The following PCBD2 variants were observed in gnomAD, a reference collection of about 807,000 sequenced individuals.
PCBD2 encodes pterin-4-alpha-carbinolamine dehydratase 2.
PCBD2 carries 12 observed loss-of-function variants against 16.4 expected under a neutral mutation model. The observed-to-expected ratio is 0.73, with a 90% CI of 0.47 to 1.19. The LOEUF is 1.19. Ranked by LOEUF, PCBD2 falls within the 50% of genes most tolerant of loss-of-function variation. The probability of loss-of-function intolerance (pLI) is 0.00; values close to 1 mark genes in which losing one functional copy is unlikely to be tolerated. For synonymous variants in PCBD2, 58 were observed against 61.8 expected (o/e 0.94, Z 0.29); for missense variants, 138 against 156.8 (o/e 0.88, Z 0.64).
chr5:134,919,311 A>G (rs1750874556), intron 2 of PCBD2, among the ~76,000 whole-genome samples: 1 of 152,216 alleles, frequency 6.6e-6, no homozygotes, highest in Non-Finnish European at 1.5e-5. Context: ...GGTATGATTA[A>G]TGCATTCATT....
At chr5:134,925,430 C>T (rs537047174) in intron 2 of PCBD2, 44 of 398,290 alleles carry the variant, frequency 1.1e-4, no homozygotes, top group Admixed American at 5.3e-4. Context: ...ATGATGGATC[C>T]GGAGCATATA....
At chr5:134,925,577 G>T (rs1025174700) in intron 2 of PCBD2, 12 of 398,050 alleles carry the variant, frequency 3.0e-5, no homozygotes, top group Non-Finnish European at 5.3e-5. Flanking sequence ...ATGTCATTTT[G>T]TGTAAGGGCG....
chr5:134,935,338 T>TG (rs895912930), intron 2 of PCBD2, among the ~76,000 whole-genome samples: 62 of 152,348 alleles, frequency 4.1e-4, no homozygotes, highest in African/African-American at 1.5e-3. Flanking sequence ...CTTAGAAAAT[T>TG]GGGTACATGC....
chr5:134,914,493 A>G (rs1750804041), intron 2 of PCBD2, among the ~76,000 whole-genome samples: 1 of 152,152 alleles, frequency 6.6e-6, no homozygotes, highest in Non-Finnish European at 1.5e-5. Flanking sequence ...GCTGGAGTAG[A>G]TGCAGAGTTG....
chr5:134,906,393 G>T (rs1561905030), intron 1 of PCBD2, among the ~76,000 whole-genome samples: 1 of 151,232 alleles, frequency 6.6e-6, no homozygotes, highest in South Asian at 2.1e-4. Flanking sequence ...TTTAGTAGAG[G>T]CGGGGTTTCA....
intron 2 of PCBD2, among the ~76,000 whole-genome samples, chr5:134,957,069 C>G (rs1445341898): frequency 6.6e-6 from 1 of 152,034 alleles, no homozygotes; most frequent in Admixed American, 6.5e-5. Context: ...TCAAGACCAG[C>G]CTGGCCAAGA....
intron 2 of PCBD2, among the ~76,000 whole-genome samples, chr5:134,937,740 A>G (rs1465394665): frequency 6.6e-6 from 1 of 152,220 alleles, no homozygotes; most frequent in Non-Finnish European, 1.5e-5. Flanking sequence ...CCCAGGGCCC[A>G]CTTTGGCTGC....
Position 134,962,184 on chromosome 5 carries a change from C to G in PCBD2, c.*1503C>G, listed in dbSNP as rs979281390. Among the ~76,000 whole-genome samples the G allele has an allele frequency of 6.6e-6, 1 of 151,936 alleles. No homozygotes were observed. The highest frequency in any genetic ancestry group is 1.5e-5 in the Non-Finnish European group (1 of 67,992). On this transcript the variant is annotated 3_prime_UTR_variant, in exon 4 of 4. Coordinates refer to ENST00000254908, the MANE Select transcript of PCBD2 (RefSeq NM_032151.5). Reference sequence around the variant, plus strand: ...ATGGCTCACTGTAGTCTTGACTTCTCAGGCTCAAGTGATCCTCTCACCTCA... The same window carrying G: ...ATGGCTCACTGTAGTCTTGACTTCTGAGGCTCAAGTGATCCTCTCACCTCA...
At chr5:134,929,091 A>G (rs1161818301) in intron 2 of PCBD2, among the ~76,000 whole-genome samples, 1 of 152,218 alleles carries the variant, frequency 6.6e-6, no homozygotes, top group Non-Finnish European at 1.5e-5. Flanking sequence ...AGATGACTCA[A>G]GAAGAAATTA....
intron 2 of PCBD2, among the ~76,000 whole-genome samples, chr5:134,952,962 T>C (rs1468066982): frequency 2.0e-5 from 3 of 152,176 alleles, no homozygotes; most frequent in East Asian, 3.8e-4. Flanking sequence ...AATTTATAAA[T>C]GCAAATTACC....
At position 134,905,204 on chromosome 5, in the gene PCBD2, G is replaced by A. The variant is rs1207151650; in HGVS notation, c.65G>A (p.Ser22Asn). 3 of 1,224,302 alleles carry A rather than the reference G, an allele frequency of 2.5e-6. No homozygotes were observed. Among genetic ancestry groups the A allele is most frequent in the East Asian group, 3.2e-5 (1 of 31,026 alleles). 75.8% of individuals were successfully genotyped at this position (1,224,302 alleles called of 1,614,324 possible). ...TTGTTGGCGGCGCTGCGAGGCCAGA[G>A]CCTAGGGCTAGCGGCCATGGTGAGT... is the stretch of plus-strand genomic sequence containing the variant. ...RRLLAALRGQ[S>N]LGLAAMSSGT... is the part of the protein sequence containing the mutation. Residue 22 changes from serine to asparagine, a missense_variant, in exon 1 of 4, where the codon AGC becomes AAC. By Grantham distance (46) the Ser-to-Asn change is conservative. Coordinates refer to ENST00000254908, the MANE Select transcript of PCBD2 (RefSeq NM_032151.5).
At chr5:134,944,742 G>A (rs775326315) in intron 2 of PCBD2, among the ~76,000 whole-genome samples, 20 of 152,130 alleles carry the variant, frequency 1.3e-4, no homozygotes, top group African/African-American at 4.1e-4. Flanking sequence ...GGGAAAGACC[G>A]GCTCAGCCTC....
At chr5:134,955,007 G>T (rs759179829) in intron 2 of PCBD2, among the ~76,000 whole-genome samples, 11 of 151,956 alleles carry the variant, frequency 7.2e-5, no homozygotes, top group Non-Finnish European at 1.2e-4. Flanking sequence ...TTCCCAAAGT[G>T]CTGGGATTAC....
chr5:134,957,913 G>A (rs971596705), intron 2 of PCBD2, among the ~76,000 whole-genome samples: 18 of 152,184 alleles, frequency 1.2e-4, no homozygotes, highest in African/African-American at 3.9e-4. Context: ...AATTGGCTCC[G>A]AGAGAGGTAC....
intron 2 of PCBD2, among the ~76,000 whole-genome samples, chr5:134,918,930 C>T (rs537014986): frequency 1.1e-4 from 17 of 152,270 alleles, no homozygotes; most frequent in African/African-American, 3.1e-4. Context: ...TTGTGTCGTA[C>T]AGTAGGTCTA....
At chr5:134,959,883 CTTTTTTTTTTTT>C (rs776164485) in intron 3 of PCBD2, among the ~76,000 whole-genome samples, 7 of 72,992 alleles carry the variant, frequency 9.6e-5, no homozygotes, top group Non-Finnish European at 1.4e-4. Flanking sequence ...TAGAAATGTG[CTTTTTTTTTTTT>C]TTTTTTTTTT....
intron 2 of PCBD2, among the ~76,000 whole-genome samples, chr5:134,953,566 G>A (rs534887992): frequency 2.6e-5 from 4 of 152,136 alleles, no homozygotes; most frequent in Admixed American, 1.3e-4. Context: ...AGGCCGAGGC[G>A]GGCGGATCAC....
intron 2 of PCBD2, among the ~76,000 whole-genome samples, chr5:134,945,298 G>A (rs1751279036): frequency 6.6e-6 from 1 of 152,182 alleles, no homozygotes; most frequent in South Asian, 2.1e-4. Context: ...GAGCTTTGCT[G>A]TGTGCTGCGT....
chr5:134,926,211 A>G (rs78317369), intron 2 of PCBD2: 1 of 321,832 alleles, frequency 3.1e-6, no homozygotes, highest in Non-Finnish European at 5.6e-6. Flanking sequence ...TGGAGAAATA[A>G]TCTAGTTTGA....
Sources: gnomAD v4.1 joint callset for allele counts (sites outside exome capture counted in the v4.1 genomes callset) on GRCh38, gnomAD v4.1.1 for gene constraint, MANE v1.5 for transcripts, NCBI Gene and HGNC (gene_info 2026-07-23, HGNC 2026-07-21) for gene names.